RPAP2: variants seen among roughly 807,000 people sequenced by gnomAD.
RPAP2 encodes RNA polymerase II associated protein 2, also known as putative RNA polymerase II subunit B1 CTD phosphatase RPAP2.
RPAP2 carries 52 observed loss-of-function variants against 73.1 expected under a neutral mutation model. The ratio of observed to expected loss-of-function variants is 0.71; its 90% CI spans 0.57 to 0.90. The LOEUF (loss-of-function observed/expected upper bound fraction) is 0.90. Among genes scored for constraint, RPAP2 ranks in the 40% least tolerant of loss-of-function variants. The probability of loss-of-function intolerance (pLI) is 0.00; values close to 1 mark genes in which losing one functional copy is unlikely to be tolerated. For missense variants in RPAP2, 598 were observed against 701.8 expected (o/e 0.85, Z 1.67); for synonymous variants, 225 against 242.1 (o/e 0.93, Z 0.65).
Position 92,399,160 on chromosome 1 carries a change from T to C in RPAP2, c.*12149T>C, listed in dbSNP as rs1656256282. 2 of 152,244 alleles carry C rather than the reference T, an allele frequency of 1.3e-5. No homozygotes were observed. Among genetic ancestry groups the C allele is most frequent in the Admixed American group, 6.5e-5 (1 of 15,280 alleles). The allele number at this position is 152,244 out of a possible 1,614,324, so 9.4% of individuals were successfully genotyped here. A position where few individuals can be genotyped will look rare whatever the true frequency, so the allele number is the denominator to read the frequency against. ...TGAAGAAAAGCCTGCTTCAAGGTGA[T>C]AGTTTTCATTTTGCTTCCCAGCACC... On this transcript the variant is annotated 3_prime_UTR_variant, in exon 13 of 13. Transcript: ENST00000610020.
chr1:92,329,279 G>A (rs1467497609), intron 8 of RPAP2, among the ~76,000 whole-genome samples: 1 of 152,118 alleles, frequency 6.6e-6, no homozygotes, highest in African/African-American at 2.4e-5. Flanking sequence ...ATCAGGTGGG[G>A]GTACCATTGT....
chr1:92,337,875 C>T (rs1482964123), intron 10 of RPAP2, among the ~76,000 whole-genome samples: 1 of 152,088 alleles, frequency 6.6e-6, no homozygotes, highest in African/African-American at 2.4e-5. Context: ...GTAGGTAATA[C>T]ATTTCTGCAA....
intron 8 of RPAP2, among the ~76,000 whole-genome samples, chr1:92,327,558 GGTGA>G (rs1652707927): frequency 1.3e-5 from 2 of 152,276 alleles, no homozygotes; most frequent in Middle Eastern, 3.4e-3. Context: ...TTATGTGTCA[GGTGA>G]GTCCCTTGAA....
intron 6 of RPAP2, among the ~76,000 whole-genome samples, chr1:92,308,926 C>A (rs1360618660): frequency 6.6e-6 from 1 of 151,908 alleles, no homozygotes; most frequent in Admixed American, 6.6e-5. Flanking sequence ...TGCTGCTGAA[C>A]TCTAGCCTGG....
intron 8 of RPAP2, among the ~76,000 whole-genome samples, chr1:92,327,438 G>A (rs1652700458): frequency 6.6e-6 from 1 of 152,128 alleles, no homozygotes; most frequent in Non-Finnish European, 1.5e-5. Context: ...TTAAACTGCT[G>A]TTGCTTTAAA....
intron 5 of RPAP2, among the ~76,000 whole-genome samples, chr1:92,305,432 C>CAA (rs71091273): frequency 0.015 from 784 of 52,604 alleles, 73 homozygotes; most frequent in African/African-American, 0.041. Flanking sequence ...GGCTCCGTCT[C>CAA]AAAAAAAAAA....
At chr1:92,357,533 T>C (rs904519765) in intron 11 of RPAP2, among the ~76,000 whole-genome samples, 1 of 152,124 alleles carries the variant, frequency 6.6e-6, no homozygotes, top group Non-Finnish European at 1.5e-5. Context: ...GTTGTACTGA[T>C]GGATTTTTTT....
At position 92,397,438 on chromosome 1, in the gene RPAP2, TC is replaced by T. The variant is rs1312580137; in HGVS notation, c.*10430del. 1 of 152,038 alleles carries T rather than the reference TC, an allele frequency of 6.6e-6. No individual in the cohort carries two copies. The highest frequency in any genetic ancestry group is 1.5e-5 in the Non-Finnish European group (1 of 68,046). 9.4% of individuals were successfully genotyped at this position (152,038 alleles called of 1,614,324 possible). On this transcript the variant is annotated 3_prime_UTR_variant, in exon 13 of 13. Coordinates refer to ENST00000610020, the MANE Select transcript of RPAP2 (RefSeq NM_024813.3). ...GGGAAGCTGCTGTATCTCCACTTCT[TC>T]CCTCTCTGTGCCCAGAGATATCTCT...
rs913516047 is a variant in RPAP2 at position 92,397,713 on chromosome 1, A to G, written c.*10702A>G. On this transcript the variant is annotated 3_prime_UTR_variant, in exon 13 of 13. Transcript: ENST00000610020. ...TCTAAATATTTTCCAATAGAAAAGA[A>G]CCCAGGCTTCTTGAGAAAATAGCTA... The G allele has an allele frequency of 1.3e-5, 2 of 152,236 alleles. No individual in the cohort carries two copies. The highest frequency in any genetic ancestry group is 4.8e-5 in the African/African-American group (2 of 41,468). 9.4% of individuals were successfully genotyped at this position (152,236 alleles called of 1,614,324 possible). A position where few individuals can be genotyped will look rare whatever the true frequency, so the allele number is the denominator to read the frequency against.
chr1:92,341,070 G>A (rs1408833443), intron 10 of RPAP2, among the ~76,000 whole-genome samples: 2 of 151,966 alleles, frequency 1.3e-5, no homozygotes, highest in African/African-American at 2.4e-5. Flanking sequence ...CTGCCGTGTC[G>A]TGATCTCAAC....
chr1:92,373,955 G>A (rs1407812752), intron 11 of RPAP2, among the ~76,000 whole-genome samples: 1 of 151,940 alleles, frequency 6.6e-6, no homozygotes, highest in Non-Finnish European at 1.5e-5. Context: ...TAATAGTACA[G>A]GGGTTGGCAA....
At chr1:92,313,504 C>A (rs1156529253) in intron 6 of RPAP2, among the ~76,000 whole-genome samples, 1 of 150,426 alleles carries the variant, frequency 6.6e-6, no homozygotes, top group Non-Finnish European at 1.5e-5. Context: ...GTAAGCCATG[C>A]TGTAAACAGA....
chr1:92,341,031 CAG>C (rs772639730), intron 10 of RPAP2, among the ~76,000 whole-genome samples: 15 of 152,052 alleles, frequency 9.9e-5, no homozygotes, highest in Non-Finnish European at 1.9e-4. Context: ...ATTTTTGAGA[CAG>C]AGTCTCACTC....
chr1:92,342,017 T>C (rs1653620311), intron 10 of RPAP2, among the ~76,000 whole-genome samples: 1 of 152,230 alleles, frequency 6.6e-6, no homozygotes, highest in Non-Finnish European at 1.5e-5. Context: ...CCTTTGGCTA[T>C]ATGCTAGATA....
intron 7 of RPAP2, among the ~76,000 whole-genome samples, chr1:92,322,860 C>CAGTG (rs10700372): frequency 1 from 149,670 of 150,160 alleles, 74,595 homozygotes; most frequent in Non-Finnish European, 1. Context: ...CTGGGCAACA[C>CAGTG]AGACTTTGTC....
rs111571051 is a variant in RPAP2 at position 92,333,359 on chromosome 1, T to C, written c.1456-32T>C. On this transcript the variant is annotated intron_variant, in intron 8 of 12. Transcript: ENST00000610020. ...CAAAGAAAGAATGTAAACTTATGAT[T>C]CTGTTTTGCTTTGTTTAAAAATGTG... The C allele has an allele frequency of 6.6e-6, 10 of 1,516,610 alleles. No homozygotes were observed. In the African/African-American group the frequency reaches 9.6e-5, roughly 15 times the overall value. 93.9% of individuals were successfully genotyped at this position (1,516,610 alleles called of 1,614,324 possible).
rs571579376 is a variant in RPAP2 at position 92,334,906 on chromosome 1, C to T, written c.1538+1433C>T. 9.9e-5 allele frequency among the ~76,000 whole-genome samples: 15 copies of T among 152,018 alleles called. No homozygotes were observed. In the South Asian group the frequency reaches 1.0e-3, roughly 11 times the overall value. On this transcript the variant is annotated intron_variant, in intron 9 of 12. Coordinates refer to ENST00000610020, the MANE Select transcript of RPAP2 (RefSeq NM_024813.3). ...AGGAGGCTGAGGCAGGAGAATGGCC[C>T]GAACCCAGGAGGCGGAGCTTGCAGT...
chr1:92,360,265 G>C (rs751666089), intron 11 of RPAP2, among the ~76,000 whole-genome samples: 3 of 152,150 alleles, frequency 2.0e-5, no homozygotes, highest in Non-Finnish European at 4.4e-5. Context: ...TGAGAATAAG[G>C]ACTAAGGACT....
At chr1:92,332,769 G>A (rs566691237) in intron 8 of RPAP2, among the ~76,000 whole-genome samples, 8 of 152,054 alleles carry the variant, frequency 5.3e-5, no homozygotes, top group Non-Finnish European at 1.2e-4. Context: ...AGGATACCCT[G>A]AACTCTTTTT....
Sources: gnomAD v4.1 joint callset for allele counts (sites outside exome capture counted in the v4.1 genomes callset) on GRCh38, gnomAD v4.1.1 for gene constraint, MANE v1.5 for transcripts, NCBI Gene and HGNC (gene_info 2026-07-23, HGNC 2026-07-21) for gene names.